The following DENND2B variants were observed in gnomAD, a reference collection of about 807,000 sequenced individuals.
DENND2B encodes DENN domain containing 2B.
DENND2B carries 32 observed loss-of-function variants against 116.0 expected under a neutral mutation model. The ratio of observed to expected loss-of-function variants is 0.28; its 90% CI spans 0.21 to 0.37. DENND2B has a LOEUF of 0.37. Among genes scored for constraint, DENND2B ranks in the 10% least tolerant of loss-of-function variants. The pLI, the probability that DENND2B is intolerant of heterozygous loss-of-function variation, is 1.00. For missense variants in DENND2B, 1,276 were observed against 1,477.7 expected, an observed-to-expected ratio of 0.86 and a Z score of 2.24; for synonymous variants, 588 against 583.9, an observed-to-expected ratio of 1.01 and a Z score of -0.10.
intron 1 of DENND2B, among the ~76,000 whole-genome samples, chr11:8,900,824 C>A (rs559211110): frequency 6.6e-6 from 1 of 151,910 alleles, no homozygotes; most frequent in South Asian, 2.1e-4. Flanking sequence ...AAAAAATTAG[C>A]CAGGCATAGT....
chr11:8,850,987 G>A (rs1284514826), intron 3 of DENND2B, among the ~76,000 whole-genome samples: 1 of 152,138 alleles, frequency 6.6e-6, no homozygotes, highest in African/African-American at 2.4e-5. Flanking sequence ...TGAACTCATA[G>A]AAACAGAGGG....
At chr11:8,784,109 A>G (rs2058661078) in intron 1 of DENND2B, 2 of 152,250 alleles carry the variant, frequency 1.3e-5, no homozygotes, top group Non-Finnish European at 1.5e-5. Context: ...AAAGTCTGTC[A>G]TAAGATCAGC....
At chr11:8,837,131 T>G (rs1317764433) in intron 4 of DENND2B, among the ~76,000 whole-genome samples, 1 of 152,102 alleles carries the variant, frequency 6.6e-6, no homozygotes, top group African/African-American at 2.4e-5. Context: ...TGCAAATCTT[T>G]AACTGGAACA....
intron 1 of DENND2B, chr11:8,756,998 C>A: frequency 2.2e-6 from 1 of 455,742 alleles, no homozygotes; most frequent in Non-Finnish European, 4.4e-6. Context: ...AAATTATAGA[C>A]AACTATCTGA....
At chr11:8,838,545 A>G (rs1024552923) in intron 4 of DENND2B, among the ~76,000 whole-genome samples, 3 of 152,218 alleles carry the variant, frequency 2.0e-5, no homozygotes, top group Admixed American at 6.5e-5. Flanking sequence ...GACTAACTAA[A>G]TATTTCCTCT....
chr11:8,773,493 C>T (rs1197319567), intron 1 of DENND2B, among the ~76,000 whole-genome samples: 1 of 152,182 alleles, frequency 6.6e-6, no homozygotes, highest in Non-Finnish European at 1.5e-5. Flanking sequence ...AGCCCAGCTG[C>T]TAAAGATCCT....
At chr11:8,857,452 GAAC>G (rs2063233616) in intron 2 of DENND2B, 1 of 152,152 alleles carries the variant, frequency 6.6e-6, no homozygotes, top group African/African-American at 2.4e-5. Flanking sequence ...GAGAAAGACA[GAAC>G]AATAGTCAAA....
At chr11:8,846,585 A>C (rs1227396614) in intron 3 of DENND2B, among the ~76,000 whole-genome samples, 1 of 152,134 alleles carries the variant, frequency 6.6e-6, no homozygotes, top group African/African-American at 2.4e-5. Context: ...GGTTTCATAA[A>C]ACAGCTTCCC....
chr11:8,858,420 G>A (rs2063271716), intron 2 of DENND2B, among the ~76,000 whole-genome samples: 1 of 152,030 alleles, frequency 6.6e-6, no homozygotes, highest in Non-Finnish European at 1.5e-5. Flanking sequence ...TACATAGGAT[G>A]GGCAGAGAAG....
intron 1 of DENND2B, among the ~76,000 whole-genome samples, chr11:8,768,547 G>A (rs2056306938): frequency 6.6e-6 from 1 of 152,180 alleles, no homozygotes. Flanking sequence ...CTGGCCAAAT[G>A]TGCTATTTTC....
chr11:8,849,490 C>CAAA (rs35966963), intron 3 of DENND2B, among the ~76,000 whole-genome samples: 6 of 63,542 alleles, frequency 9.4e-5, no homozygotes, highest in African/African-American at 3.5e-4. Context: ...TAGACTGTCT[C>CAAA]AAAAAAAAAA....
intron 2 of DENND2B, among the ~76,000 whole-genome samples, chr11:8,738,452 T>G (rs1004168424): frequency 6.6e-6 from 1 of 152,188 alleles, no homozygotes. Flanking sequence ...GAGAAACTCA[T>G]TCCAGAGGGG....
chr11:8,718,113 A>ACCCC, intron 4 of DENND2B: 1 of 8,902 alleles, frequency 1.1e-4, no homozygotes, highest in Non-Finnish European at 2.2e-4. Flanking sequence ...CACCCCCCCC[A>ACCCC]ACCCCCCACC....
intron 1 of DENND2B, chr11:8,785,881 C>T (rs1395416211): frequency 1.3e-5 from 2 of 152,336 alleles, no homozygotes; most frequent in East Asian, 3.9e-4. Context: ...AGCAAGAATA[C>T]AAGTTACATG....
intron 1 of DENND2B, among the ~76,000 whole-genome samples, chr11:8,906,089 T>A (rs899726481): frequency 3.5e-4 from 53 of 151,822 alleles, no homozygotes; most frequent in African/African-American, 1.3e-3. Flanking sequence ...GTTCCAAAAC[T>A]GCACTTTGGT....
chr11:8,888,151 T>C (rs2063983247), intron 1 of DENND2B, among the ~76,000 whole-genome samples: 1 of 152,234 alleles, frequency 6.6e-6, no homozygotes. Flanking sequence ...GGAAAAGGCT[T>C]GGACCTAAAT....
intron 1 of DENND2B, among the ~76,000 whole-genome samples, chr11:8,760,367 C>T (rs1468833330): frequency 6.6e-6 from 1 of 152,190 alleles, no homozygotes; most frequent in African/African-American, 2.4e-5. Context: ...CCTGTAATCC[C>T]AGCACTTTGG....
intron 1 of DENND2B, among the ~76,000 whole-genome samples, chr11:8,761,652 G>T (rs1382276962): frequency 1.3e-5 from 2 of 152,084 alleles, no homozygotes; most frequent in African/African-American, 2.4e-5. Flanking sequence ...ACTTCTTCCT[G>T]ACTCTAAGTC....
At position 8,712,156 on chromosome 11, in the gene DENND2B, G is replaced by A. The variant is rs1399958141; in HGVS notation, c.2172+395C>T. 2 of 370,020 alleles carry A rather than the reference G, an allele frequency of 5.4e-6. No individual in the cohort carries two copies. The highest frequency in any genetic ancestry group is 1.5e-4 in the East Asian group (2 of 13,750). The allele number at this position is 370,020 out of a possible 1,614,324, so 22.9% of individuals were successfully genotyped here. A position where few individuals can be genotyped will look rare whatever the true frequency, so the allele number is the denominator to read the frequency against. On this transcript the variant is annotated intron_variant, in intron 9 of 19. Coordinates refer to ENST00000313726, the MANE Select transcript of DENND2B (RefSeq NM_213618.2). This position sits in a 1 kb window ranked among gnomAD's most constrained non-coding sequence, Gnocchi z 4.4. ...GAGACAGGCTGGTGGGAGAAGTGCG[G>A]AGTGACAGCTAGTGGGTGCAGAGTT...
Sources: gnomAD v4.1 joint callset for allele counts (sites outside exome capture counted in the v4.1 genomes callset) on GRCh38, gnomAD v4.1.1 for gene constraint, Gnocchi (gnomAD v3.1) non-coding constraint, MANE v1.5 for transcripts, NCBI Gene and HGNC (gene_info 2026-07-23, HGNC 2026-07-21) for gene names.